VPS13B: variants seen among roughly 807,000 people sequenced by gnomAD.
VPS13B encodes the protein intermembrane lipid transfer protein VPS13B.
A neutral mutation model predicts 426.4 loss-of-function variants in VPS13B; 285 were observed. The ratio of observed to expected loss-of-function variants is 0.67; its 90% CI spans 0.61 to 0.74. The LOEUF is 0.74. Among genes scored for constraint, VPS13B ranks in the 30% least tolerant of loss-of-function variants. The pLI, the probability that VPS13B is intolerant of heterozygous loss-of-function variation, is 0.00. For synonymous variants in VPS13B, 1,676 were observed against 1,676.4 expected (o/e 1.00, Z 0.01); for missense variants, 4,537 against 4,782.6 (o/e 0.95, Z 1.51).
At chr8:99,273,186 G>GTC (rs1818691321) in intron 17 of VPS13B, among the ~76,000 whole-genome samples, 1 of 144,624 alleles carries the variant, frequency 6.9e-6, no homozygotes, top group African/African-American at 2.6e-5. Flanking sequence ...TTGAGATGGA[G>GTC]TCTCTCTCTG....
intron 44 of VPS13B, among the ~76,000 whole-genome samples, chr8:99,817,022 A>G (rs1261443442): frequency 6.6e-6 from 1 of 152,022 alleles, no homozygotes; most frequent in Non-Finnish European, 1.5e-5. Flanking sequence ...ACTTCACTTG[A>G]CAAGATTCAC....
intron 16 of VPS13B, among the ~76,000 whole-genome samples, chr8:99,172,923 AT>A (rs1199572910): frequency 1.3e-5 from 2 of 152,056 alleles, no homozygotes; most frequent in Non-Finnish European, 2.9e-5. Flanking sequence ...GCAGCTCTAA[AT>A]TTCTTTCTTT....
intron 49 of VPS13B, 151 bp from the exon 50 acceptor site, chr8:99,821,143 C>T (rs911130770): frequency 1.7e-6 from 1 of 604,842 alleles, no homozygotes; most frequent in African/African-American, 1.9e-5. Flanking sequence ...CACACACACA[C>T]ACACACACAC....
intron 42 of VPS13B, among the ~76,000 whole-genome samples, chr8:99,782,638 A>C (rs1812075520): frequency 6.6e-6 from 1 of 151,824 alleles, no homozygotes; most frequent in Non-Finnish European, 1.5e-5. Context: ...GTGTTGGATG[A>C]GTTGGAAGGA....
chr8:99,282,274 A>G (rs1588206093), intron 19 of VPS13B, among the ~76,000 whole-genome samples: 1 of 152,186 alleles, frequency 6.6e-6, no homozygotes, highest in African/African-American at 2.4e-5. Context: ...CAGATTGTCA[A>G]ACTGACTACT....
intron 44 of VPS13B, among the ~76,000 whole-genome samples, chr8:99,812,503 C>T (rs549279705): frequency 1.3e-5 from 2 of 152,236 alleles, no homozygotes; most frequent in South Asian, 4.2e-4. Context: ...CCTTAACACC[C>T]CCTGGATAAT....
chr8:99,098,152 G>A (rs1379187176), intron 4 of VPS13B, among the ~76,000 whole-genome samples: 1 of 151,890 alleles, frequency 6.6e-6, no homozygotes, highest in Non-Finnish European at 1.5e-5. Context: ...TCTGTTTTTT[G>A]TTCCTGTTTC....
Position 99,127,891 on chromosome 8 carries a change from A to G in VPS13B, c.1206+6446A>G, listed in dbSNP as rs540630318. ...TGGTTTTATTTTTGTAAGTATCTTG[A>G]ATGTCTGGCTTAGTAGAAGATAGCT... is the stretch of plus-strand genomic sequence containing the variant. On this transcript the variant is annotated intron_variant, in intron 8 of 61. Transcript: ENST00000357162. 1.8e-4 allele frequency among the ~76,000 whole-genome samples: 27 copies of G among 152,280 alleles called. 1 individual carries two copies. The East Asian group carries it at 3.7e-3, about 21-fold the overall frequency.
chr8:99,040,128 T>C (rs1842911939), intron 3 of VPS13B, among the ~76,000 whole-genome samples: 1 of 152,090 alleles, frequency 6.6e-6, no homozygotes, highest in African/African-American at 2.4e-5. Context: ...ACTTTTTTCA[T>C]TGAGAAGGTA....
chr8:99,106,104 G>T (rs922323576), intron 5 of VPS13B, among the ~76,000 whole-genome samples: 13 of 151,346 alleles, frequency 8.6e-5, no homozygotes, highest in Non-Finnish European at 1.3e-4. Context: ...TTTAATTGAA[G>T]CATAACATGC....
At chr8:99,053,292 C>A (rs1843661165) in intron 3 of VPS13B, among the ~76,000 whole-genome samples, 1 of 152,040 alleles carries the variant, frequency 6.6e-6, no homozygotes, top group Non-Finnish European at 1.5e-5. Context: ...CCTCCCCGCT[C>A]CCCGCACCCC....
intron 35 of VPS13B, among the ~76,000 whole-genome samples, chr8:99,671,649 T>G (rs766181426): frequency 6.6e-6 from 1 of 152,094 alleles, no homozygotes; most frequent in African/African-American, 2.4e-5. Flanking sequence ...CTTTTGGGTT[T>G]GTTTGTTTGT....
intron 15 of VPS13B, among the ~76,000 whole-genome samples, chr8:99,160,567 C>G (rs956010415): frequency 3.4e-5 from 5 of 147,894 alleles, no homozygotes; most frequent in African/African-American, 1.2e-4. Context: ...GAGAGATTTG[C>G]TTGAGCCCAG....
intron 12 of VPS13B, among the ~76,000 whole-genome samples, chr8:99,141,866 A>C (rs1216835224): frequency 1.3e-5 from 2 of 148,798 alleles, no homozygotes; most frequent in Non-Finnish European, 3.0e-5. Context: ...AACATGGTGA[A>C]ACCCTGTCTC....
chr8:99,145,185 G>A (rs1349717577), intron 13 of VPS13B, among the ~76,000 whole-genome samples: 1 of 152,190 alleles, frequency 6.6e-6, no homozygotes, highest in African/African-American at 2.4e-5. Context: ...TATTCTAAAT[G>A]TGATGGGAAA....
In VPS13B at chr8:99,096,326, C is replaced by A. The variant is rs201568328; in HGVS notation, c.306C>A (p.Ser102Arg). The change falls in exon 4 of 62, where the codon AGC becomes AGA. Residue 102 changes from serine (S) to arginine (R), a missense_variant. Transcript: ENST00000357162. ...LKDGIQDDHE[S>R]CGSNSTNRST... ...AATAAAAATAGGATGACCATGAAAG[C>A]TGTGGTTCTAATTCTACCAACCGTA... 2 of 1,613,984 alleles carry A rather than the reference C, an allele frequency of 1.2e-6. No homozygotes were observed. The highest frequency in any genetic ancestry group is 1.7e-6 in the Non-Finnish European group (2 of 1,179,944).
chr8:99,855,819 T>C (rs1241027940), intron 56 of VPS13B, among the ~76,000 whole-genome samples: 6 of 152,254 alleles, frequency 3.9e-5, no homozygotes, highest in Non-Finnish European at 7.3e-5. Flanking sequence ...GTTGTCTTGA[T>C]AGCTTGCACA....
intron 35 of VPS13B, chr8:99,696,633 G>T: frequency 1.5e-6 from 1 of 688,192 alleles, no homozygotes; most frequent in East Asian, 2.9e-5. Flanking sequence ...GGTCAACCTG[G>T]AGCTGGCAGA....
intron 17 of VPS13B, among the ~76,000 whole-genome samples, chr8:99,265,908 C>T (rs1381256067): frequency 2.0e-5 from 3 of 152,132 alleles, no homozygotes; most frequent in Admixed American, 6.5e-5. Context: ...TGTTTGAGAG[C>T]GGCCTATTTG....
Sources: allele counts gnomAD v4.1 joint callset (sites outside exome capture counted in the v4.1 genomes callset), GRCh38; gene constraint gnomAD v4.1.1; transcripts MANE v1.5; gene names NCBI Gene and HGNC (gene_info 2026-07-23, HGNC 2026-07-21).